The following PKN3 variants were observed in gnomAD, a reference collection of about 807,000 sequenced individuals.
The protein encoded by PKN3 is serine/threonine-protein kinase N3.
PKN3 carries 91 observed loss-of-function variants against 113.1 expected under a neutral mutation model. The observed-to-expected ratio is 0.80, with a 90% CI of 0.68 to 0.96. The LOEUF is 0.96. Among genes scored for constraint, PKN3 ranks in the 40% least tolerant of loss-of-function variants. The probability of loss-of-function intolerance (pLI) is 0.00; values close to 1 mark genes in which losing one functional copy is unlikely to be tolerated. For missense variants in PKN3, 1,052 were observed against 1,202.2 expected (o/e 0.88, Z 1.85); for synonymous variants, 467 against 499.0 (o/e 0.94, Z 0.85).
intron 6 of PKN3, among the ~76,000 whole-genome samples, chr9:128,711,605 T>TG (rs539106530): frequency 0.012 from 1,796 of 150,190 alleles, 18 homozygotes; most frequent in South Asian, 0.042. Context: ...GCCTTTTTTT[T>TG]GGGGGGGGTG....
intron 17 of PKN3, 31 bp downstream of exon 17, chr9:128,718,418 A>AGGGGTG (rs770306207): frequency 7.0e-5 from 31 of 444,410 alleles, no homozygotes; most frequent in African/African-American, 3.7e-4. Context: ...GCACGGGGGT[A>AGGGGTG]GGGGTGGGGG....
chr9:128,710,363 A>G (rs1862141444), intron 6 of PKN3, among the ~76,000 whole-genome samples: 1 of 151,974 alleles, frequency 6.6e-6, no homozygotes, highest in Non-Finnish European at 1.5e-5. Flanking sequence ...TGGAAAGGCC[A>G]GTGCCTGTCT....
In PKN3 at chr9:128,702,693, CT is replaced by C. The variant is rs879458952; in HGVS notation, c.-222del. ...CGGAATTTTGGATCCGAGGGAGGCG[CT>C]GGGGCGCGGGACCTCGGGCGTGGGG... On this transcript the variant is annotated 5_prime_UTR_variant, in exon 1 of 22. It removes the in-frame stop codon of an upstream open reading frame in the 5' UTR. Transcript: ENST00000291906. 4.3e-6 allele frequency: 2 copies of C among 466,804 alleles called. No individual in the cohort carries two copies. The highest frequency in any genetic ancestry group is 7.5e-6 in the Non-Finnish European group (2 of 268,048). The allele number at this position is 466,804 out of a possible 1,614,324, so 28.9% of individuals were successfully genotyped here. A position where few individuals can be genotyped will look rare whatever the true frequency, so the allele number is the denominator to read the frequency against.
intron 9 of PKN3, 126 bp downstream of exon 9, chr9:128,713,768 A>G (rs1450534830): frequency 2.0e-6 from 2 of 1,013,562 alleles, no homozygotes; most frequent in African/African-American, 3.2e-5. Flanking sequence ...CTCCAGGAAT[A>G]AGGGCTCCTA....
intron 15 of PKN3, among the ~76,000 whole-genome samples, chr9:128,716,314 A>G (rs1301630651): frequency 1.3e-5 from 2 of 148,810 alleles, no homozygotes; most frequent in African/African-American, 5.0e-5. Context: ...AAAAAAAAAA[A>G]AGGCTGGGCG....
At chr9:128,717,529 C>T (rs531603541) in intron 16 of PKN3, among the ~76,000 whole-genome samples, 6 of 147,084 alleles carry the variant, frequency 4.1e-5, no homozygotes, top group Admixed American at 2.7e-4. Flanking sequence ...GTCAGGAGTT[C>T]GTGACCTGGC....
chr9:128,716,807 C>G lies in PKN3; in HGVS notation c.1869C>G (p.Leu623=), dbSNP rs777858977. The change falls in exon 16 of 22, where the codon CTC becomes CTG. Residue 623 remains leucine, a synonymous_variant. Transcript: ENST00000291906. ...GCTGCACAGGGCACCCTTTCCTGCT[C>G]TCCCTCCTTGCCTGCTTCCAGACCT... ...AVGCTGHPFL[L]SLLACFQTSS... is the part of the protein sequence containing the mutation. 8 of 1,614,022 alleles carry G rather than the reference C, an allele frequency of 5.0e-6. No individual in the cohort carries two copies. The highest frequency in any genetic ancestry group is 2.7e-5 in the African/African-American group (2 of 74,918).
In PKN3 at chr9:128,703,697, C is replaced by G. The variant is rs1050041357; in HGVS notation, c.24+758C>G. On this transcript the variant is annotated intron_variant, in intron 1 of 21. Coordinates refer to ENST00000291906, the MANE Select transcript of PKN3 (RefSeq NM_013355.5). ...TGTGTGTCCATGTTGGAGTTCCAACCCAGGGCAGACGGGACCATGGGGGTG... is the reference window on the plus strand; with the variant it reads ...TGTGTGTCCATGTTGGAGTTCCAACGCAGGGCAGACGGGACCATGGGGGTG... 3.0e-6 allele frequency: 3 copies of G among 985,242 alleles called. No homozygotes were observed. The African/African-American group carries it at 5.2e-5, about 17-fold the overall frequency. 61.0% of individuals were successfully genotyped at this position (985,242 alleles called of 1,614,324 possible). A position where few individuals can be genotyped will look rare whatever the true frequency, so the allele number is the denominator to read the frequency against.
chr9:128,707,007 G>A lies in PKN3; in HGVS notation c.635G>A (p.Arg212His), dbSNP rs754465307. ...KLLSSRRTQD[R>H]KALAEAQAQL... ...CTTAGTAGCCGGAGAACACAGGACC[G>A]CAAGGCACTGGCTGAGGTCAGGCCC... The change falls in exon 5 of 22, where the codon CGC becomes CAC. Residue 212 changes from arginine (R) to histidine (H), a missense_variant. Arg to His is a conservative substitution (Grantham distance 29). Transcript: ENST00000291906. 36 of 1,613,998 alleles carry A rather than the reference G, an allele frequency of 2.2e-5. No homozygotes were observed. The highest frequency in any genetic ancestry group is 2.9e-5 in the Non-Finnish European group (34 of 1,180,000).
Position 128,714,218 on chromosome 9 carries a change from C to T in PKN3, c.1334C>T (p.Ser445Leu), listed in dbSNP as rs772489304. The T allele has an allele frequency of 1.3e-5, 21 of 1,613,878 alleles. No homozygotes were observed. Among genetic ancestry groups the T allele is most frequent in the Middle Eastern group, 1.6e-4 (1 of 6,084 alleles). The part of the protein sequence containing the change: ...KRRGQDFLRA[S>L]QMNLGMAAWG... ...CCAGGCCAGGACTTCCTGAGGGCTT[C>T]GCAGATGAACCTCGGCATGGCGGCC... is the stretch of plus-strand genomic sequence containing the variant. Residue 445 changes from serine (S) to leucine (L), a missense_variant, in exon 11 of 22, where the codon TCG becomes TTG. Transcript: ENST00000291906.
chr9:128,710,470 C>A (rs1481787029), intron 6 of PKN3, among the ~76,000 whole-genome samples: 1 of 152,080 alleles, frequency 6.6e-6, no homozygotes, highest in Non-Finnish European at 1.5e-5. Flanking sequence ...TCTCACCTGG[C>A]CTTGGGGAAT....
In PKN3 at chr9:128,720,848, C is replaced by G; in HGVS notation, c.*242C>G. ...AGCGAGACCTGGCCCAGAAAGGGTG[C>G]CGCAGCAAGGAGTGATATGGTTTGT... On this transcript the variant is annotated 3_prime_UTR_variant, in exon 22 of 22. Coordinates refer to ENST00000291906, the MANE Select transcript of PKN3 (RefSeq NM_013355.5). The surrounding 1 kb of genome is among the most constrained non-coding windows in gnomAD (Gnocchi z 5.5). 1 of 594,552 alleles carries G rather than the reference C, an allele frequency of 1.7e-6. No homozygotes were observed. The highest frequency in any genetic ancestry group is 3.0e-6 in the Non-Finnish European group (1 of 335,024). 36.8% of individuals were successfully genotyped at this position (594,552 alleles called of 1,614,324 possible).
rs898687723 is a variant in PKN3 at position 128,703,831 on chromosome 9, C to T, written c.24+892C>T. On this transcript the variant is annotated intron_variant, in intron 1 of 21. Coordinates refer to ENST00000291906, the MANE Select transcript of PKN3 (RefSeq NM_013355.5). ...CACCCCCTTCCTCTGGAGGTCCCTCCGCCTGTTCCAGACGTAGCTTGTACA... is the reference window on the plus strand; with the variant it reads ...CACCCCCTTCCTCTGGAGGTCCCTCTGCCTGTTCCAGACGTAGCTTGTACA... 14 of 985,330 alleles carry T rather than the reference C, an allele frequency of 1.4e-5. 1 individual carries two copies. The South Asian group carries it at 4.7e-4, about 33-fold the overall frequency. 61.0% of individuals were successfully genotyped at this position (985,330 alleles called of 1,614,324 possible). A position where few individuals can be genotyped will look rare whatever the true frequency, so the allele number is the denominator to read the frequency against.
At chr9:128,718,161 T>C (rs1049778883) in intron 16 of PKN3, among the ~76,000 whole-genome samples, 164 bp from the exon 17 acceptor site, 8 of 152,062 alleles carry the variant, frequency 5.3e-5, no homozygotes, top group African/African-American at 1.9e-4. Context: ...CTTGGGACTA[T>C]TGGAGCACCC....
In PKN3 at chr9:128,720,138, G is replaced by A; in HGVS notation, c.2377-65G>A. 6.4e-7 allele frequency: 1 copy of A among 1,563,032 alleles called. No homozygotes were observed. The highest frequency in any genetic ancestry group is 1.1e-5 in the South Asian group (1 of 89,490). On this transcript the variant is annotated intron_variant, in intron 20 of 21. Transcript: ENST00000291906. The surrounding 1 kb of genome is among the most constrained non-coding windows in gnomAD (Gnocchi z 5.5). ...GAGCGCTCTGGGCCAGCGTGCTTGG[G>A]GCCTGTGGATGATGGCAGTGCCTGG...
At position 128,713,173 on chromosome 9, in the gene PKN3, CCAGCGTGGCCGAGGCGAGCTT is replaced by C. The variant is rs1862230066; in HGVS notation, c.958_978del (p.Gln320_Leu326del). On this transcript the variant is annotated inframe_deletion, in exon 7 of 22. Transcript: ENST00000291906. The stretch of plus-strand genomic sequence containing the variant: ...GCTGGCTTCGGACCAAGGCCAAGCA[CCAGCGTGGCCGAGGCGAGCTT>C]GCCAGTGAGTAGGGAAGGAGCTTCA... The C allele has an allele frequency of 6.2e-7, 1 of 1,608,530 alleles. No homozygotes were observed. Among genetic ancestry groups the C allele is most frequent in the Non-Finnish European group, 8.5e-7 (1 of 1,176,090 alleles).
At position 128,707,333 on chromosome 9, in the gene PKN3, C is replaced by T. The variant is rs771744489; in HGVS notation, c.763C>T (p.Arg255Ter). The T allele has an allele frequency of 1.1e-5, 17 of 1,613,784 alleles. No individual in the cohort carries two copies. The highest frequency in any genetic ancestry group is 3.3e-5 in the Admixed American group (2 of 60,006). ...PAHPLRSRVTRELRAAVPGYP... is the reference protein window; with the variant it reads ...PAHPLRSRVT ...CCACCCTTTGCGCAGCAGAGTGACCCGAGAGTTGCGGGCTGCGGTGCCTGG... is the reference window on the plus strand; with the variant it reads ...CCACCCTTTGCGCAGCAGAGTGACCTGAGAGTTGCGGGCTGCGGTGCCTGG... Residue 255 changes from arginine to a stop codon, truncating the protein, a stop_gained, in exon 6 of 22, where the codon CGA becomes TGA. Coordinates refer to ENST00000291906, the MANE Select transcript of PKN3 (RefSeq NM_013355.5). LOFTEE classifies it high-confidence loss of function.
intron 6 of PKN3, among the ~76,000 whole-genome samples, chr9:128,709,057 G>A (rs1337813685): frequency 5.9e-5 from 9 of 151,818 alleles, no homozygotes; most frequent in South Asian, 2.1e-4. Flanking sequence ...AGGCCGAGGC[G>A]GGCGGATCAC....
At chr9:128,705,974 C>A in intron 3 of PKN3, 95 bp downstream of exon 3, 1 of 1,218,034 alleles carries the variant, frequency 8.2e-7, no homozygotes, top group Non-Finnish European at 1.1e-6. Flanking sequence ...GACACCATTC[C>A]AGCCTGCAGC....
Sources: gnomAD v4.1 joint callset for allele counts (sites outside exome capture counted in the v4.1 genomes callset) on GRCh38, gnomAD v4.1.1 for gene constraint, Gnocchi (gnomAD v3.1) non-coding constraint, MANE v1.5 for transcripts, NCBI Gene and HGNC (gene_info 2026-07-23, HGNC 2026-07-21) for gene names.